The following AIM2 variants were observed in gnomAD, a reference collection of about 807,000 sequenced individuals.
The protein encoded by AIM2 is interferon-inducible protein AIM2.
In AIM2, 30 loss-of-function variants were observed where a neutral mutation model predicts 27.7. The observed-to-expected ratio is 1.08, with a 90% CI of 0.81 to 1.47. AIM2 has a LOEUF of 1.47. Among genes scored for constraint, AIM2 ranks in the 40% most tolerant of loss-of-function variants. The probability of loss-of-function intolerance (pLI) is 0.00; values close to 1 mark genes in which losing one functional copy is unlikely to be tolerated. For synonymous variants in AIM2, 141 were observed against 145.3 expected (o/e 0.97, Z 0.21); for missense variants, 358 against 411.3 (o/e 0.87, Z 1.12).
intron 4 of AIM2, among the ~76,000 whole-genome samples, chr1:159,065,372 T>C (rs1198735877): frequency 6.6e-6 from 1 of 152,210 alleles, no homozygotes; most frequent in African/African-American, 2.4e-5. Flanking sequence ...TGTGATCTTT[T>C]CTGTCTTCCC....
In AIM2 at chr1:159,124,238, T is replaced by A. The variant is rs188835963; in HGVS notation, c.-16+16193A>T. 3.7e-4 allele frequency among the ~76,000 whole-genome samples: 56 copies of A among 152,362 alleles called. 3 individuals carry two copies. The highest frequency in any genetic ancestry group is 1.2e-3 in the African/African-American group (48 of 41,594). ...TATTTTATGGTAGTAAAACTGAGAA[T>A]GAGCTTCTAGAGTTTGCCTTGGCAA... is the stretch of plus-strand genomic sequence containing the variant. On this transcript the variant is annotated intron_variant, in intron 1 of 2. Transcript: ENST00000368129.
At chr1:159,137,350 T>G (rs1648028453) in intron 1 of AIM2, among the ~76,000 whole-genome samples, 1 of 152,178 alleles carries the variant, frequency 6.6e-6, no homozygotes, top group Admixed American at 6.5e-5. Flanking sequence ...TACTCCTGAA[T>G]GACCTATTAA....
At chr1:159,070,336 GAATGGATGAAGA>G (rs1228256898) in intron 2 of AIM2, among the ~76,000 whole-genome samples, 1 of 152,206 alleles carries the variant, frequency 6.6e-6, no homozygotes, top group Non-Finnish European at 1.5e-5. Flanking sequence ...GATATTTACT[GAATGGATGAAGA>G]AATGGATGGA....
At chr1:159,139,594 G>C (rs1273194989) in intron 1 of AIM2, among the ~76,000 whole-genome samples, 1 of 152,008 alleles carries the variant, frequency 6.6e-6, no homozygotes, top group Admixed American at 6.5e-5. Flanking sequence ...TTCTTATACC[G>C]AGGTCTTCTG....
At chr1:159,115,452 A>G (rs1419194378) in intron 1 of AIM2, among the ~76,000 whole-genome samples, 1 of 152,218 alleles carries the variant, frequency 6.6e-6, no homozygotes, top group African/African-American at 2.4e-5. Flanking sequence ...GGCTATGGTA[A>G]CCAAAACAGC....
intron 4 of AIM2, 77 bp from the exon 5 acceptor site, chr1:159,063,751 A>G (rs1000892626): frequency 7.2e-7 from 1 of 1,393,574 alleles, no homozygotes; most frequent in African/African-American, 1.4e-5. Flanking sequence ...CAGACATGCC[A>G]GAAGAAGGCT....
intron 2 of AIM2, among the ~76,000 whole-genome samples, chr1:159,072,302 G>T (rs1166468291): frequency 6.6e-6 from 1 of 152,198 alleles, no homozygotes; most frequent in Non-Finnish European, 1.5e-5. Context: ...AATGTACATA[G>T]TATCACTTAT....
intron 1 of AIM2, among the ~76,000 whole-genome samples, chr1:159,074,835 G>A (rs1395334091): frequency 1.3e-5 from 2 of 152,094 alleles, no homozygotes; most frequent in Non-Finnish European, 2.9e-5. Flanking sequence ...CTACTTAAGT[G>A]GGTGTATGTC....
intron 1 of AIM2, among the ~76,000 whole-genome samples, chr1:159,104,008 C>A (rs571357365): frequency 6.6e-6 from 1 of 151,826 alleles, no homozygotes; most frequent in Non-Finnish European, 1.5e-5. Flanking sequence ...ATCTAGTAAG[C>A]AGAAATAACA....
intron 1 of AIM2, among the ~76,000 whole-genome samples, chr1:159,100,159 C>G (rs1024752972): frequency 1.3e-5 from 2 of 152,144 alleles, no homozygotes; most frequent in Non-Finnish European, 2.9e-5. Flanking sequence ...TCCTACTTAC[C>G]CTTCCAGACC....
At chr1:159,055,240 A>C in the AIM2 span, 1 of 167,714 alleles carries the variant, frequency 6.0e-6, no homozygotes, top group Non-Finnish European at 1.3e-5. Context: ...TGGGGCACAC[A>C]GGCCTCAAGC....
At chr1:159,075,938 C>A (rs1461395189) in intron 1 of AIM2, among the ~76,000 whole-genome samples, 1 of 152,212 alleles carries the variant, frequency 6.6e-6, no homozygotes, top group Non-Finnish European at 1.5e-5. Context: ...TAAACTATCA[C>A]TGTTAATGGC....
intron 1 of AIM2, among the ~76,000 whole-genome samples, chr1:159,102,561 C>T (rs1043538539): frequency 8.5e-5 from 13 of 152,188 alleles, no homozygotes; most frequent in Non-Finnish European, 1.6e-4. Flanking sequence ...TGAAAGCACC[C>T]GGCGGGGGAG....
intron 1 of AIM2, among the ~76,000 whole-genome samples, chr1:159,111,059 T>A (rs966960765): frequency 5.3e-5 from 8 of 152,126 alleles, no homozygotes; most frequent in Admixed American, 4.6e-4. Context: ...GTATTTAGCA[T>A]CTACAATGAA....
intron 5 of AIM2, among the ~76,000 whole-genome samples, chr1:159,063,195 T>G (rs1197346972): frequency 1.3e-5 from 2 of 152,260 alleles, no homozygotes; most frequent in African/African-American, 2.4e-5. Flanking sequence ...CTTTTCCGAC[T>G]CTGGGCAAGC....
At chr1:159,061,662 C>T (rs1440221365), downstream of AIM2, among the ~76,000 whole-genome samples, 3 of 151,112 alleles carry the variant, frequency 2.0e-5, no homozygotes. Flanking sequence ...GCCAGGGCCT[C>T]CCAAAGTGCT....
At chr1:159,091,624 G>C (rs1037176394) in intron 1 of AIM2, among the ~76,000 whole-genome samples, 34 of 152,224 alleles carry the variant, frequency 2.2e-4, no homozygotes, top group African/African-American at 8.0e-4. Context: ...CAATCTGTAG[G>C]ATGGGATGAA....
chr1:159,134,313 C>G (rs577193711), intron 1 of AIM2, among the ~76,000 whole-genome samples: 5 of 152,354 alleles, frequency 3.3e-5, no homozygotes, highest in African/African-American at 9.6e-5. Flanking sequence ...ATCCTGGCAG[C>G]CTTCCACTCT....
chr1:159,132,907 A>C (rs1647929559), intron 1 of AIM2, among the ~76,000 whole-genome samples: 1 of 152,218 alleles, frequency 6.6e-6, no homozygotes, highest in South Asian at 2.1e-4. Context: ...TCAAACATCC[A>C]ACACCTTCTC....
Sources: allele counts gnomAD v4.1 joint callset (sites outside exome capture counted in the v4.1 genomes callset), GRCh38; gene constraint gnomAD v4.1.1; transcripts MANE v1.5; gene names NCBI Gene and HGNC (gene_info 2026-07-23, HGNC 2026-07-21).